Variants in CNTN5 observed in about 807,000 individuals in gnomAD.
The protein encoded by CNTN5 is contactin 5.
Under a neutral mutation model 129.1 loss-of-function variants are expected in CNTN5, and 77 were observed. The ratio of observed to expected loss-of-function variants is 0.60; its 90% confidence interval spans 0.50 to 0.72. The LOEUF (loss-of-function observed/expected upper bound fraction) is 0.72. Ranked by LOEUF, CNTN5 falls within the 30% of genes least tolerant of loss-of-function variation. The pLI, the probability that CNTN5 is intolerant of heterozygous loss-of-function variation, is 0.00. For missense variants in CNTN5, 1,478 were observed against 1,328.8 expected (o/e 1.11, Z -1.75); for synonymous variants, 509 against 465.6 (o/e 1.09, Z -1.20).
At chr11:99,044,748 GTAAAGTGTCGGGTCCTCTA>G (rs1202058037) in intron 1 of CNTN5, among the ~76,000 whole-genome samples, 2 of 152,182 alleles carry the variant, frequency 1.3e-5, no homozygotes, top group East Asian at 1.9e-4. Flanking sequence ...AGGGTCCTCT[GTAAAGTGTCGGGTCCTCTA>G]TAAAGTGTCA....
At chr11:99,600,985 C>A (rs945987526) in intron 3 of CNTN5, among the ~76,000 whole-genome samples, 3 of 152,080 alleles carry the variant, frequency 2.0e-5, no homozygotes, top group Non-Finnish European at 4.4e-5. Context: ...GGCTTAGGAC[C>A]CTTCTCTCCT....
chr11:100,269,114 G>T (rs73563746), intron 17 of CNTN5, among the ~76,000 whole-genome samples: 1 of 152,168 alleles, frequency 6.6e-6, no homozygotes, highest in Non-Finnish European at 1.5e-5. Context: ...CTGATAAGGC[G>T]TAGTCAGGTG....
intron 17 of CNTN5, among the ~76,000 whole-genome samples, chr11:100,257,809 T>C (rs921661862): frequency 9.2e-5 from 14 of 152,050 alleles, no homozygotes; most frequent in African/African-American, 2.9e-4. Context: ...AGACCAAAGA[T>C]AGATAAATCC....
intron 16 of CNTN5, among the ~76,000 whole-genome samples, chr11:100,241,494 G>A (rs1287205175): frequency 6.6e-6 from 1 of 152,150 alleles, no homozygotes; most frequent in Non-Finnish European, 1.5e-5. Context: ...TAAACATAGT[G>A]CTCTAGGGAG....
chr11:100,252,189 T>A (rs371223615), intron 16 of CNTN5, among the ~76,000 whole-genome samples: 1 of 152,166 alleles, frequency 6.6e-6, no homozygotes, highest in African/African-American at 2.4e-5. Flanking sequence ...ATTTCTTTCA[T>A]ATATTTGTGG....
intron 6 of CNTN5, among the ~76,000 whole-genome samples, chr11:99,902,279 A>C (rs1291016945): frequency 1.3e-5 from 2 of 151,788 alleles, no homozygotes; most frequent in Non-Finnish European, 2.9e-5. Context: ...AAATGTTTGA[A>C]AAATCCGAAA....
Position 99,613,993 on chromosome 11 carries a change from T to C in CNTN5, c.55+57724T>C, listed in dbSNP as rs141704367. On this transcript the variant is annotated intron_variant, in intron 3 of 24. Transcript: ENST00000524871. ...TGCATTGTTATAACTATAGAATAATTATAAAACTCTGTTATAGCTATATAG... is the reference window on the plus strand; with the variant it reads ...TGCATTGTTATAACTATAGAATAATCATAAAACTCTGTTATAGCTATATAG... Among the ~76,000 whole-genome samples the C allele has an allele frequency of 8.7e-3, 1,324 of 152,336 alleles. 7 individuals carry two copies. The highest frequency in any genetic ancestry group is 0.015 in the Non-Finnish European group (1,009 of 68,024).
At chr11:100,281,683 C>T (rs539377926) in intron 18 of CNTN5, among the ~76,000 whole-genome samples, 3 of 152,124 alleles carry the variant, frequency 2.0e-5, no homozygotes, top group Non-Finnish European at 4.4e-5. Context: ...CTTCATACCC[C>T]TATCTCTTTC....
At chr11:100,124,986 G>A (rs2138181257) in intron 13 of CNTN5, among the ~76,000 whole-genome samples, 1 of 152,168 alleles carries the variant, frequency 6.6e-6, no homozygotes, top group East Asian at 1.9e-4. Flanking sequence ...CATAATTTCT[G>A]ATTCTGTAGA....
intron 3 of CNTN5, among the ~76,000 whole-genome samples, chr11:99,563,902 G>T (rs1948922694): frequency 6.6e-6 from 1 of 152,138 alleles, no homozygotes; most frequent in African/African-American, 2.4e-5. Flanking sequence ...CATGAGCCAA[G>T]ATCAGATTCA....
chr11:99,298,889 C>A (rs959988574), intron 1 of CNTN5, among the ~76,000 whole-genome samples: 1 of 152,102 alleles, frequency 6.6e-6, no homozygotes, highest in Non-Finnish European at 1.5e-5. Context: ...ACATTCCAAC[C>A]CTGCAATAAA....
chr11:99,293,019 G>C (rs1370694856), intron 1 of CNTN5, among the ~76,000 whole-genome samples: 1 of 152,110 alleles, frequency 6.6e-6, no homozygotes, highest in Non-Finnish European at 1.5e-5. Flanking sequence ...GTTCATAGTG[G>C]CATAAACAAG....
chr11:99,415,695 A>G (rs1477789590), intron 2 of CNTN5, among the ~76,000 whole-genome samples: 1 of 152,130 alleles, frequency 6.6e-6, no homozygotes, highest in Non-Finnish European at 1.5e-5. Context: ...TTTGCTTCTG[A>G]GGCCTTCACT....
At chr11:99,946,582 G>A (rs1412454036) in intron 7 of CNTN5, among the ~76,000 whole-genome samples, 4 of 151,918 alleles carry the variant, frequency 2.6e-5, no homozygotes, top group Admixed American at 2.6e-4. Flanking sequence ...AAACTACTGG[G>A]CAAAAAAGTA....
intron 3 of CNTN5, among the ~76,000 whole-genome samples, chr11:99,575,162 A>C (rs1284742201): frequency 6.6e-6 from 1 of 152,228 alleles, no homozygotes; most frequent in East Asian, 1.9e-4. Flanking sequence ...GACCTTAAGT[A>C]TCTCAATTTT....
chr11:99,251,598 CGTAA>C (rs1565438690), intron 1 of CNTN5, among the ~76,000 whole-genome samples: 3 of 151,696 alleles, frequency 2.0e-5, no homozygotes, highest in Non-Finnish European at 4.4e-5. Context: ...TTCTCACCTA[CGTAA>C]GTATCTCTTT....
intron 1 of CNTN5, among the ~76,000 whole-genome samples, chr11:99,161,641 C>A (rs1860616101): frequency 6.6e-6 from 1 of 152,088 alleles, no homozygotes. Flanking sequence ...TGCCAGATTC[C>A]AAAATTCTTA....
At position 99,981,098 on chromosome 11, in the gene CNTN5, A is replaced by ATATATATATATATATT. The variant is rs1160392030; in HGVS notation, c.878-20930_878-20929insTATATATATTTATATA. Among the ~76,000 whole-genome samples the ATATATATATATATATT allele has an allele frequency of 8.7e-4, 53 of 60,648 alleles. 2 individuals carry two copies. Among genetic ancestry groups the ATATATATATATATATT allele is most frequent in the Non-Finnish European group, 1.3e-3 (42 of 31,560 alleles). 39.8% of individuals were successfully genotyped at this position (60,648 alleles called of 152,430 possible). On this transcript the variant is annotated intron_variant, in intron 8 of 24. Transcript: ENST00000524871. ...ATAGGATATATATATATATATATAT[A>ATATATATATATATATT]TATATACACACACACACACATATAT... is the stretch of plus-strand genomic sequence containing the variant.
intron 21 of CNTN5, among the ~76,000 whole-genome samples, chr11:100,339,129 A>G (rs891335211): frequency 6.6e-6 from 1 of 151,776 alleles, no homozygotes; most frequent in Admixed American, 6.6e-5. Context: ...TCTGCCATCC[A>G]TGGACAGCTG....
Sources: gnomAD v4.1 joint callset for allele counts (sites outside exome capture counted in the v4.1 genomes callset) on GRCh38, gnomAD v4.1.1 for gene constraint, MANE v1.5 for transcripts, NCBI Gene and HGNC (gene_info 2026-07-23, HGNC 2026-07-21) for gene names.